Variants in DLG2 observed in about 807,000 individuals in gnomAD.
DLG2 encodes discs large MAGUK scaffold protein 2.
In DLG2, 45 loss-of-function variants were observed where a neutral mutation model predicts 132.5. The ratio of observed to expected loss-of-function variants is 0.34; its 90% CI spans 0.27 to 0.44. DLG2 has a LOEUF of 0.44. Ranked by LOEUF, DLG2 falls within the 20% of genes least tolerant of loss-of-function variation. The pLI is 1.00. For missense variants in DLG2, 1,045 were observed against 1,196.9 expected (o/e 0.87, Z 1.87); for synonymous variants, 424 against 419.6 (o/e 1.01, Z -0.13).
At chr11:85,394,869 G>A (rs901364301) in intron 3 of DLG2, among the ~76,000 whole-genome samples, 3 of 152,134 alleles carry the variant, frequency 2.0e-5, no homozygotes, top group Admixed American at 6.5e-5. Flanking sequence ...GAACCTTGAT[G>A]TTACCACACA....
intron 19 of DLG2, among the ~76,000 whole-genome samples, chr11:83,604,293 T>C (rs537266678): frequency 1.3e-5 from 2 of 152,350 alleles, no homozygotes; most frequent in South Asian, 4.1e-4. Flanking sequence ...CTATTTCAAG[T>C]GTGTTTATCA....
chr11:84,325,607 G>A (rs1023282468), intron 7 of DLG2, among the ~76,000 whole-genome samples: 1 of 151,858 alleles, frequency 6.6e-6, no homozygotes, highest in East Asian at 1.9e-4. Flanking sequence ...ATTCCATTTG[G>A]CCATGGTATA....
At chr11:84,273,314 A>G in intron 7 of DLG2, 1 of 1,400,286 alleles carries the variant, frequency 7.1e-7, no homozygotes, top group East Asian at 2.8e-5. Context: ...AGGAAAAAAA[A>G]AAAAAAAAAA....
chr11:85,130,789 T>C lies in DLG2; in HGVS notation c.283-19054A>G, dbSNP rs1164694454. Among the ~76,000 whole-genome samples the C allele has an allele frequency of 2.6e-5, 4 of 152,284 alleles. No individual in the cohort carries two copies. The East Asian group carries it at 5.8e-4, about 22-fold the overall frequency. On this transcript the variant is annotated intron_variant, in intron 5 of 27. Transcript: ENST00000376104. ...GTAGAGCAAGGGCATCCCAAGTGCA[T>C]GGCCACTTGGGGAAAAACAGTAAAG...
intron 11 of DLG2, among the ~76,000 whole-genome samples, chr11:84,014,418 C>T (rs972427341): frequency 9.2e-5 from 14 of 151,944 alleles, no homozygotes; most frequent in Non-Finnish European, 1.3e-4. Context: ...AGACCCATGG[C>T]GACCATTTTA....
At chr11:83,486,999 G>A (rs956445111) in intron 21 of DLG2, among the ~76,000 whole-genome samples, 1 of 151,670 alleles carries the variant, frequency 6.6e-6, no homozygotes, top group African/African-American at 2.4e-5. Flanking sequence ...TTTTAATATA[G>A]AAAATGAAAA....
chr11:84,224,268 C>A (rs918431531), intron 8 of DLG2, among the ~76,000 whole-genome samples: 1 of 152,206 alleles, frequency 6.6e-6, no homozygotes, highest in African/African-American at 2.4e-5. Flanking sequence ...GAAGCTTAGC[C>A]AGCTAACAGT....
intron 7 of DLG2, among the ~76,000 whole-genome samples, chr11:84,480,763 T>C (rs573480172): frequency 1.0e-4 from 15 of 150,430 alleles, no homozygotes; most frequent in South Asian, 4.2e-4. Flanking sequence ...TTTCTTTTTT[T>C]TTTTTTTTTT....
At chr11:85,600,508 A>G (rs1322076445) in intron 2 of DLG2, among the ~76,000 whole-genome samples, 1 of 152,246 alleles carries the variant, frequency 6.6e-6, no homozygotes, top group Non-Finnish European at 1.5e-5. Flanking sequence ...ACAAGGATGT[A>G]TAGCAACCAG....
intron 3 of DLG2, among the ~76,000 whole-genome samples, chr11:85,450,109 A>T (rs1223871158): frequency 6.6e-6 from 1 of 152,166 alleles, no homozygotes; most frequent in African/African-American, 2.4e-5. Context: ...AGCCTGGGCA[A>T]CAAGAGTGAA....
chr11:83,942,767 A>G (rs2082953284), intron 14 of DLG2, among the ~76,000 whole-genome samples: 1 of 152,276 alleles, frequency 6.6e-6, no homozygotes, highest in Admixed American at 6.5e-5. Context: ...TGTACCCCAT[A>G]AGGGGATAGA....
At chr11:84,603,656 ACT>A (rs1387092094) in intron 6 of DLG2, among the ~76,000 whole-genome samples, 2 of 151,954 alleles carry the variant, frequency 1.3e-5, no homozygotes, top group South Asian at 4.2e-4. Flanking sequence ...TTTGACTCTC[ACT>A]CTTTCTCATT....
At chr11:85,172,569 G>T (rs1332383465) in intron 4 of DLG2, among the ~76,000 whole-genome samples, 2 of 152,154 alleles carry the variant, frequency 1.3e-5, no homozygotes, top group Non-Finnish European at 2.9e-5. Context: ...TCCTCCAAAT[G>T]ACTGCAATAC....
intron 6 of DLG2, among the ~76,000 whole-genome samples, chr11:84,584,897 T>C (rs574132151): frequency 6.6e-5 from 10 of 150,672 alleles, no homozygotes; most frequent in African/African-American, 1.2e-4. Context: ...ACCGTTTTAG[T>C]CGGGATGGTC....
At chr11:84,230,146 G>T (rs1393807697) in intron 8 of DLG2, among the ~76,000 whole-genome samples, 2 of 152,138 alleles carry the variant, frequency 1.3e-5, no homozygotes, top group African/African-American at 4.8e-5. Context: ...AAAGGCATGA[G>T]CCTGTCATGA....
chr11:83,613,528 C>T (rs913325588), intron 19 of DLG2, among the ~76,000 whole-genome samples: 2 of 152,086 alleles, frequency 1.3e-5, no homozygotes, highest in African/African-American at 4.8e-5. Context: ...ATTTTTGAAA[C>T]AGGGGGTTCT....
intron 18 of DLG2, among the ~76,000 whole-genome samples, chr11:83,768,926 C>G (rs761201640): frequency 1.3e-5 from 2 of 152,192 alleles, no homozygotes; most frequent in Non-Finnish European, 2.9e-5. Flanking sequence ...AGAATTTTGC[C>G]TCTTCTACTT....
rs1379277997 is a variant in DLG2, at chr11:83,825,175, T to A, written c.1722+8439A>T. 8.8e-3 allele frequency among the ~76,000 whole-genome samples: 182 copies of A among 20,662 alleles called. 2 individuals are homozygous for A. The highest frequency in any genetic ancestry group is 0.12 in the Middle Eastern group (2 of 16). The allele number at this position is 20,662 out of a possible 152,430, so 13.6% of individuals were successfully genotyped here. On this transcript the variant is annotated intron_variant, in intron 17 of 27. Transcript: ENST00000376104. ...CACATATATATATATATATATATTTTTTTTTTTTTTTTTTTTTTTTTTTGA... is the reference window on the plus strand; with the variant it reads ...CACATATATATATATATATATATTTATTTTTTTTTTTTTTTTTTTTTTTGA...
At chr11:84,781,094 T>A (rs1245836596) in intron 6 of DLG2, among the ~76,000 whole-genome samples, 2 of 150,516 alleles carry the variant, frequency 1.3e-5, no homozygotes, top group Non-Finnish European at 3.0e-5. Flanking sequence ...TGTGTATACT[T>A]TCTAAGTAAT....
Sources: gnomAD v4.1 joint callset for allele counts (sites outside exome capture counted in the v4.1 genomes callset) on GRCh38, gnomAD v4.1.1 for gene constraint, MANE v1.5 for transcripts, NCBI Gene and HGNC (gene_info 2026-07-23, HGNC 2026-07-21) for gene names.